THOC5: variants seen among roughly 807,000 people sequenced by gnomAD.
The protein encoded by THOC5 is THO complex subunit 5, also known as Fms-interacting protein.
In THOC5, 43 loss-of-function variants were observed where a neutral mutation model predicts 92.9. That is an observed-to-expected ratio of 0.46 (90% CI 0.36 to 0.60). THOC5 has a LOEUF of 0.60. Ranked by LOEUF, THOC5 falls within the 20% of genes least tolerant of loss-of-function variation. The probability of loss-of-function intolerance (pLI) is 0.00; values close to 1 mark genes in which losing one functional copy is unlikely to be tolerated. For missense variants in THOC5, 659 were observed against 849.4 expected (o/e 0.78, Z 2.79); for synonymous variants, 296 against 320.1 (o/e 0.92, Z 0.80).
chr22:29,541,555 A>G (rs1157408832), intron 5 of THOC5, among the ~76,000 whole-genome samples: 3 of 150,610 alleles, frequency 2.0e-5, no homozygotes, highest in Non-Finnish European at 4.4e-5. Context: ...AATCAGTATC[A>G]TGATTATTAA....
intron 7 of THOC5, 75 bp from the exon 8 acceptor site, chr22:29,532,038 C>A: frequency 6.5e-7 from 1 of 1,528,380 alleles, no homozygotes; most frequent in Non-Finnish European, 8.9e-7. Flanking sequence ...ACTTAGTGAC[C>A]GTAAATCATT....
intron 8 of THOC5, chr22:29,530,987 A>G: frequency 1.0e-6 from 1 of 967,678 alleles, no homozygotes; most frequent in Non-Finnish European, 1.3e-6. Context: ...ACAACAGACT[A>G]TTTTTTTCAG....
chr22:29,515,811 A>G (rs942667868), intron 17 of THOC5, among the ~76,000 whole-genome samples: 1 of 152,264 alleles, frequency 6.6e-6, no homozygotes, highest in Admixed American at 6.5e-5. Context: ...AGTCTAGGCA[A>G]CAGAGCAAGA....
intron 19 of THOC5, 104 bp downstream of exon 19, chr22:29,511,002 G>T: frequency 8.0e-7 from 1 of 1,247,768 alleles, no homozygotes; most frequent in Non-Finnish European, 1.1e-6. Flanking sequence ...CGGCTGCAGG[G>T]GAAGTTTCAG....
Position 29,508,128 on chromosome 22 carries a change from A to G in THOC5, c.*329T>C. ...ATAAATACAAGATCATGAGGACCTC[A>G]CCCCGCAAAGCACAAATAGGGTGTG... On this transcript the variant is annotated 3_prime_UTR_variant, in exon 20 of 20. Transcript: ENST00000490103. 1 of 274,188 alleles carries G rather than the reference A, an allele frequency of 3.6e-6. No individual in the cohort carries two copies. Among genetic ancestry groups the G allele is most frequent in the Non-Finnish European group, 6.9e-6 (1 of 145,124 alleles). 17.0% of individuals were successfully genotyped at this position (274,188 alleles called of 1,614,324 possible).
At chr22:29,530,056 T>C (rs959337689) in intron 8 of THOC5, among the ~76,000 whole-genome samples, 4 of 151,480 alleles carry the variant, frequency 2.6e-5, no homozygotes, top group East Asian at 1.9e-4. Context: ...GACAGGAGAA[T>C]TGCTTGAATC....
At chr22:29,546,105 T>C (rs2064012562) in intron 2 of THOC5, among the ~76,000 whole-genome samples, 1 of 152,226 alleles carries the variant, frequency 6.6e-6, no homozygotes, top group African/African-American at 2.4e-5. Context: ...AGCTTGGGGC[T>C]TCCACCCTCT....
chr22:29,533,740 G>A (rs537552510), intron 7 of THOC5, among the ~76,000 whole-genome samples: 1 of 152,270 alleles, frequency 6.6e-6, no homozygotes, highest in South Asian at 2.1e-4. Flanking sequence ...AAAATGTGCT[G>A]TGTTCAACAT....
At chr22:29,548,918 G>C in intron 2 of THOC5, 134 bp downstream of exon 2, 1 of 700,208 alleles carries the variant, frequency 1.4e-6, no homozygotes, top group Non-Finnish European at 2.4e-6. Context: ...AGGAATCCCA[G>C]TCACCTGGTC....
intron 6 of THOC5, among the ~76,000 whole-genome samples, chr22:29,536,948 C>T (rs1345069367): frequency 1.3e-5 from 2 of 152,232 alleles, no homozygotes; most frequent in African/African-American, 2.4e-5. Context: ...AGGGACTTTG[C>T]TTATCCCCAA....
chr22:29,518,380 C>T (rs1478453160), intron 15 of THOC5, among the ~76,000 whole-genome samples: 2 of 152,150 alleles, frequency 1.3e-5, no homozygotes, highest in Non-Finnish European at 2.9e-5. Context: ...CCCCCTGCCA[C>T]ATGGTAAGCA....
intron 12 of THOC5, 26 bp from the exon 13 acceptor site, chr22:29,521,125 T>C (rs1435917393): frequency 1.3e-5 from 20 of 1,541,256 alleles, no homozygotes; most frequent in Non-Finnish European, 1.8e-5. Context: ...CAGTAAGCAG[T>C]GAGAATGCAG....
chr22:29,518,457 G>A (rs923929837), intron 15 of THOC5, among the ~76,000 whole-genome samples: 14 of 152,176 alleles, frequency 9.2e-5, no homozygotes, highest in African/African-American at 3.1e-4. Context: ...TAAGTCAGTG[G>A]CTCATCATTA....
Position 29,542,994 on chromosome 22 carries a change from T to C in THOC5, c.355-38A>G. 1.3e-6 allele frequency: 2 copies of C among 1,501,348 alleles called. 1 individual carries two copies. Among genetic ancestry groups the C allele is most frequent in the African/African-American group, 2.7e-5 (2 of 72,962 alleles). The allele number at this position is 1,501,348 out of a possible 1,614,324, so 93.0% of individuals were successfully genotyped here. On this transcript the variant is annotated intron_variant, in intron 4 of 19. Transcript: ENST00000490103. ...TACGATCAGAAGTGAGCAGGGCAAGTCAGGATGGAGCAGAGGAGAGGGTCA... is the reference window on the plus strand; with the variant it reads ...TACGATCAGAAGTGAGCAGGGCAAGCCAGGATGGAGCAGAGGAGAGGGTCA...
At chr22:29,523,481 T>C (rs1422808178) in intron 12 of THOC5, among the ~76,000 whole-genome samples, 1 of 152,018 alleles carries the variant, frequency 6.6e-6, no homozygotes. Context: ...TCTGATCAAG[T>C]CTCTAAGCCA....
chr22:29,552,518 C>T (rs1449436962), intron 1 of THOC5, among the ~76,000 whole-genome samples: 11 of 151,314 alleles, frequency 7.3e-5, no homozygotes, highest in African/African-American at 1.5e-4. Context: ...GCAGCCGCCC[C>T]GTCCGGGAGG....
At chr22:29,538,400 A>T (rs1388419544) in intron 6 of THOC5, among the ~76,000 whole-genome samples, 1 of 152,236 alleles carries the variant, frequency 6.6e-6, no homozygotes, top group African/African-American at 2.4e-5. Context: ...CTCCTGAAAT[A>T]GTGTTTACAA....
At chr22:29,510,553 C>T (rs2063204696) in intron 19 of THOC5, among the ~76,000 whole-genome samples, 1 of 152,140 alleles carries the variant, frequency 6.6e-6, no homozygotes, top group Admixed American at 6.6e-5. Context: ...CTACAGTGGG[C>T]TATGATCATG....
At chr22:29,539,583 A>G (rs529860600) in intron 5 of THOC5, 107 bp from the exon 6 acceptor site, 19 of 1,232,302 alleles carry the variant, frequency 1.5e-5, no homozygotes, top group Non-Finnish European at 2.1e-5. Flanking sequence ...CCTGGTCTAC[A>G]GGATCCTGGA....
Sources: allele counts gnomAD v4.1 joint callset (sites outside exome capture counted in the v4.1 genomes callset), GRCh38; gene constraint gnomAD v4.1.1; transcripts MANE v1.5; gene names NCBI Gene and HGNC (gene_info 2026-07-23, HGNC 2026-07-21).